Variants in CAMTA1 observed in about 807,000 individuals in gnomAD.
CAMTA1 encodes calmodulin-binding transcription activator 1.
CAMTA1 carries 27 observed loss-of-function variants against 170.9 expected under a neutral mutation model. The observed-to-expected ratio is 0.16, with a 90% CI of 0.12 to 0.22. The LOEUF (loss-of-function observed/expected upper bound fraction) is 0.22, where lower values mean the gene tolerates loss of function less well. Ranked by LOEUF, CAMTA1 falls within the 10% of genes least tolerant of loss-of-function variation. The probability of loss-of-function intolerance (pLI) is 1.00; values close to 1 mark genes in which losing one functional copy is unlikely to be tolerated. For synonymous variants in CAMTA1, 833 were observed against 891.5 expected (o/e 0.93, Z 1.17); for missense variants, 1,619 against 2,217.2 (o/e 0.73, Z 5.42).
At chr1:7,132,891 G>T (rs1645344185) in intron 4 of CAMTA1, among the ~76,000 whole-genome samples, 1 of 152,042 alleles carries the variant, frequency 6.6e-6, no homozygotes, top group African/African-American at 2.4e-5. Flanking sequence ...CTTTTAGTTT[G>T]TTAATAGGGT....
At chr1:7,758,619 G>C (rs6577456) in intron 22 of CAMTA1, among the ~76,000 whole-genome samples, 91,997 of 152,062 alleles carry the variant, frequency 0.6, 28,180 homozygotes, top group Middle Eastern at 0.74. Flanking sequence ...ATTTATAGTC[G>C]TGGAAATTAT....
At chr1:7,267,656 A>C (rs1001520524) in intron 5 of CAMTA1, among the ~76,000 whole-genome samples, 1 of 152,196 alleles carries the variant, frequency 6.6e-6, no homozygotes, top group African/African-American at 2.4e-5. Context: ...AATCTGATGG[A>C]GCTCACAGAA....
chr1:7,514,430 A>C (rs541083631), intron 6 of CAMTA1, among the ~76,000 whole-genome samples: 1 of 152,338 alleles, frequency 6.6e-6, no homozygotes, highest in East Asian at 1.9e-4. Flanking sequence ...TTGAGTTAAC[A>C]TTCCTTGAGC....
intron 6 of CAMTA1, among the ~76,000 whole-genome samples, chr1:7,538,896 G>A (rs1017385223): frequency 5.9e-5 from 9 of 152,122 alleles, no homozygotes; most frequent in Middle Eastern, 3.2e-3. Context: ...CCTGGCTTCC[G>A]GTCATTTGAA....
At chr1:7,405,806 C>T (rs115912273) in intron 5 of CAMTA1, among the ~76,000 whole-genome samples, 3,091 of 152,262 alleles carry the variant, frequency 0.02, 103 homozygotes, top group African/African-American at 0.07. Flanking sequence ...AGTGCAGTGC[C>T]CTGGAGGAGG....
rs200003920 is a variant in CAMTA1, at chr1:7,730,936, A to C, written c.2915-1512A>C. On this transcript the variant is annotated intron_variant, in intron 11 of 22. Transcript: ENST00000303635. ...TCTCTCTCTCTCTCTCTCTATATAT[A>C]TATATATATATTTAACATATATATG... 7.2e-3 allele frequency among the ~76,000 whole-genome samples: 1,071 copies of C among 148,512 alleles called. 4 individuals carry two copies. The highest frequency in any genetic ancestry group is 0.02 in the South Asian group (94 of 4,708).
intron 3 of CAMTA1, among the ~76,000 whole-genome samples, chr1:6,895,997 G>A (rs1675588911): frequency 6.6e-6 from 1 of 152,138 alleles, no homozygotes; most frequent in Admixed American, 6.6e-5. Context: ...ACCTGCAAGT[G>A]CCTAGGTATC....
intron 9 of CAMTA1, among the ~76,000 whole-genome samples, chr1:7,668,665 C>T (rs908443974): frequency 1.3e-4 from 20 of 152,124 alleles, no homozygotes; most frequent in Admixed American, 3.3e-4. Context: ...CGCAGCCAGG[C>T]GGGCTGTTGC....
chr1:7,331,645 A>C (rs1463058105), intron 5 of CAMTA1, among the ~76,000 whole-genome samples: 1 of 152,214 alleles, frequency 6.6e-6, no homozygotes, highest in African/African-American at 2.4e-5. Context: ...CCCCCTGGCC[A>C]TGCTTTGAGA....
At chr1:6,852,486 C>T (rs558887280) in intron 3 of CAMTA1, among the ~76,000 whole-genome samples, 7 of 152,264 alleles carry the variant, frequency 4.6e-5, no homozygotes, top group East Asian at 3.9e-4. Context: ...TATTTCTTAC[C>T]GACTGCTATG....
intron 4 of CAMTA1, among the ~76,000 whole-genome samples, chr1:7,231,528 A>G (rs1662830261): frequency 3.3e-5 from 5 of 152,070 alleles, no homozygotes. Flanking sequence ...GCCAACCACC[A>G]TGCCTGGCTA....
chr1:7,417,251 C>G (rs1415452188), intron 5 of CAMTA1, among the ~76,000 whole-genome samples: 1 of 150,278 alleles, frequency 6.7e-6, no homozygotes, highest in Non-Finnish European at 1.5e-5. Flanking sequence ...GCAGTCTGCC[C>G]GTTCTCAGAT....
At chr1:7,607,127 G>A (rs528542523) in intron 6 of CAMTA1, among the ~76,000 whole-genome samples, 4 of 151,182 alleles carry the variant, frequency 2.6e-5, no homozygotes, top group Non-Finnish European at 5.9e-5. Flanking sequence ...AAGGATGGAT[G>A]GATGGATGGA....
intron 4 of CAMTA1, among the ~76,000 whole-genome samples, chr1:7,104,311 G>A (rs1419428434): frequency 6.6e-6 from 1 of 151,764 alleles, no homozygotes; most frequent in African/African-American, 2.4e-5. Flanking sequence ...CATGCATGCA[G>A]CACAGAAACA....
At chr1:6,790,865 A>G (rs12023549) in intron 1 of CAMTA1, among the ~76,000 whole-genome samples, 31,624 of 151,974 alleles carry the variant, frequency 0.21, 3,472 homozygotes, top group East Asian at 0.29. Context: ...AATTTGAAAT[A>G]CCCCTTTTCT....
intron 3 of CAMTA1, among the ~76,000 whole-genome samples, chr1:7,031,621 C>T (rs558349570): frequency 6.6e-6 from 1 of 152,094 alleles, no homozygotes; most frequent in Non-Finnish European, 1.5e-5. Context: ...TTCACTGCAA[C>T]CTCCGCCTCC....
chr1:7,470,582 G>A (rs1221512420), intron 6 of CAMTA1, among the ~76,000 whole-genome samples: 1 of 152,170 alleles, frequency 6.6e-6, no homozygotes, highest in African/African-American at 2.4e-5. Context: ...CTGAATGCAG[G>A]AGGCACTAGG....
chr1:7,428,536 G>T (rs1054957645), intron 5 of CAMTA1, among the ~76,000 whole-genome samples: 2 of 152,036 alleles, frequency 1.3e-5, no homozygotes, highest in African/African-American at 4.8e-5. Flanking sequence ...ATGCCTTCCC[G>T]CATAGGTGAT....
chr1:7,104,134 C>T (rs1297423763), intron 4 of CAMTA1, among the ~76,000 whole-genome samples: 1 of 86,084 alleles, frequency 1.2e-5, no homozygotes, highest in Non-Finnish European at 2.5e-5. Flanking sequence ...CACATAACTA[C>T]ACACGTACAC....
Sources: gnomAD v4.1 joint callset for allele counts (sites outside exome capture counted in the v4.1 genomes callset) on GRCh38, gnomAD v4.1.1 for gene constraint, MANE v1.5 for transcripts, NCBI Gene and HGNC (gene_info 2026-07-23, HGNC 2026-07-21) for gene names.